IL1B: variants seen among roughly 807,000 people sequenced by gnomAD.
IL1B encodes the protein interleukin 1 beta.
In IL1B, 11 loss-of-function variants were observed where a neutral mutation model predicts 26.2. The ratio of observed to expected loss-of-function variants is 0.42; its 90% CI spans 0.26 to 0.70. IL1B has a LOEUF of 0.70. IL1B is among the 30% of genes least tolerant of loss of function. The probability of loss-of-function intolerance (pLI) is 0.25; values close to 1 mark genes in which losing one functional copy is unlikely to be tolerated. For missense variants in IL1B, 255 were observed against 327.5 expected, an observed-to-expected ratio of 0.78 and a Z score of 1.71; for synonymous variants, 118 against 120.8, an observed-to-expected ratio of 0.98 and a Z score of 0.15.
intron 5 of IL1B, among the ~76,000 whole-genome samples, chr2:112,832,227 G>A (rs774985240): frequency 1.3e-5 from 2 of 152,164 alleles, no homozygotes; most frequent in Non-Finnish European, 2.9e-5. Context: ...GGAACCACCT[G>A]GCATTGGGTG....
At chr2:112,836,143 G>A in intron 2 of IL1B, 40 bp downstream of exon 2, 1 of 1,589,502 alleles carries the variant, frequency 6.3e-7, no homozygotes, top group South Asian at 1.1e-5. Context: ...CTTGAAAGAG[G>A]AGACCTGCTC....
At chr2:112,831,514 G>A (rs1681986208) in intron 5 of IL1B, 92 bp from the exon 6 acceptor site, 1 of 1,484,230 alleles carries the variant, frequency 6.7e-7, no homozygotes, top group African/African-American at 1.4e-5. Flanking sequence ...ATGTAATTTG[G>A]TAGCCTCTGT....
At chr2:112,836,626 A>G in intron 1 of IL1B, 82 bp downstream of exon 1, 1 of 283,726 alleles carries the variant, frequency 3.5e-6, no homozygotes, top group Non-Finnish European at 7.1e-6. Flanking sequence ...AGAGAGAGAG[A>G]GAGAATATGC....
chr2:112,830,495 G>C lies in IL1B; in HGVS notation c.676C>G (p.Leu226Val). Residue 226 changes from leucine (L) to valine (V), a missense_variant, in exon 7 of 7, where the codon CTG becomes GTG. Physicochemically the swap from Leu to Val is conservative, Grantham distance 32. Coordinates refer to ENST00000263341, the MANE Select transcript of IL1B (RefSeq NM_000576.3). ...VFNKIEINNK[L>V]EFESAQFPNW... ...GGGAACTGGGCAGACTCAAATTCCA[G>C]CTTGTTATTGATTTCTATCTTGTTG... is the stretch of plus-strand genomic sequence containing the variant. 6.2e-7 allele frequency: 1 copy of C among 1,613,926 alleles called. No homozygotes were observed. Among genetic ancestry groups the C allele is most frequent in the Non-Finnish European group, 8.5e-7 (1 of 1,179,922 alleles).
At chr2:112,833,134 G>A (rs1682022947) in intron 4 of IL1B, 1 of 607,454 alleles carries the variant, frequency 1.6e-6, no homozygotes, top group Non-Finnish European at 2.9e-6. Flanking sequence ...GACAATGTAA[G>A]TGAAAGGCCC....
In IL1B at chr2:112,832,746, C is replaced by A. The variant is rs1478935996; in HGVS notation, c.382G>T (p.Asp128Tyr). ...PVRSLNCTLR[D>Y]SQQKSLVMSG... is the part of the protein sequence containing the mutation. ...ATCACCAAGCTTTTTTGCTGTGAGT[C>A]CCGGAGCGTGCAGTTCAGTGATCGT... Residue 128 changes from aspartate to tyrosine, a missense_variant, in exon 5 of 7, where the codon GAC becomes TAC. Coordinates refer to ENST00000263341, the MANE Select transcript of IL1B (RefSeq NM_000576.3). The A allele has an allele frequency of 1.9e-6, 3 of 1,614,010 alleles. No homozygotes were observed. The African/African-American group carries it at 4.0e-5, about 22-fold the overall frequency.
In IL1B at chr2:112,832,683, C is replaced by T; in HGVS notation, c.445G>A (p.Gly149Arg). 1 of 1,614,126 alleles carries T rather than the reference C, an allele frequency of 6.2e-7. No individual in the cohort carries two copies. ...TTACCTTGTTGCTCCATATCCTGTCCCTGGAGGTGGAGAGCTTTCAGTTCA... is the reference window on the plus strand; with the variant it reads ...TTACCTTGTTGCTCCATATCCTGTCTCTGGAGGTGGAGAGCTTTCAGTTCA... The part of the protein sequence containing the change: ...PYELKALHLQ[G>R]QDMEQQVVFS... The change falls in exon 5 of 7, where the codon GGA becomes AGA. Residue 149 changes from glycine (G) to arginine (R), a missense_variant. Physicochemically the swap from Gly to Arg is moderately radical, Grantham distance 125. Coordinates refer to ENST00000263341, the MANE Select transcript of IL1B (RefSeq NM_000576.3).
At chr2:112,832,099 C>T (rs1479431838) in intron 5 of IL1B, among the ~76,000 whole-genome samples, 1 of 152,254 alleles carries the variant, frequency 6.6e-6, no homozygotes, top group Non-Finnish European at 1.5e-5. Context: ...GCTTTGGCTA[C>T]TGTGGCACGA....
At chr2:112,831,210 T>G in intron 6 of IL1B, 82 bp downstream of exon 6, 3 of 1,531,344 alleles carry the variant, frequency 2.0e-6, no homozygotes, top group Non-Finnish European at 2.7e-6. Context: ...TTCCTAGGGA[T>G]GGGGGCGGGG....
intron 3 of IL1B, among the ~76,000 whole-genome samples, chr2:112,833,930 A>T (rs1041780187): frequency 3.3e-5 from 5 of 152,024 alleles, no homozygotes; most frequent in Admixed American, 2.6e-4. Flanking sequence ...GAGGTGGAGG[A>T]TGCAGTAAGC....
At chr2:112,833,155 G>A (rs1238257001) in intron 4 of IL1B, 2 of 623,744 alleles carry the variant, frequency 3.2e-6, no homozygotes, top group Non-Finnish European at 5.7e-6. Context: ...CTGAGAAAGA[G>A]TGAGGGAGTT....
At chr2:112,831,479 C>T (rs1158360087) in intron 5 of IL1B, 57 bp from the exon 6 acceptor site, 2 of 1,598,554 alleles carry the variant, frequency 1.3e-6, no homozygotes, top group Non-Finnish European at 1.7e-6. Flanking sequence ...GTCACCCCAA[C>T]CCCTAGGCCC....
intron 3 of IL1B, among the ~76,000 whole-genome samples, chr2:112,834,145 T>C (rs1158556950): frequency 2.6e-5 from 4 of 152,246 alleles, no homozygotes; most frequent in Non-Finnish European, 4.4e-5. Flanking sequence ...TTCTGACACC[T>C]TACAGGCTAT....
rs148588074 is a variant in IL1B at position 112,832,807 on chromosome 2, T to C, written c.321A>G (p.Thr107=). ...IFEEEPIFFD[T]WDNEAYVHDA... ...CGTGCACATAAGCCTCGTTATCCCA[T>C]GTGTCGAAGAAGATAGGTTCTGAAA... Residue 107 remains threonine, a synonymous_variant, in exon 5 of 7, where the codon ACA becomes ACG. Coordinates refer to ENST00000263341, the MANE Select transcript of IL1B (RefSeq NM_000576.3). 3.1e-6 allele frequency: 5 copies of C among 1,614,220 alleles called. No individual in the cohort carries two copies. The highest frequency in any genetic ancestry group is 3.3e-5 in the Admixed American group (2 of 60,030).
intron 2 of IL1B, among the ~76,000 whole-genome samples, chr2:112,835,861 C>A (rs927907166): frequency 6.6e-6 from 1 of 152,214 alleles, no homozygotes; most frequent in Admixed American, 6.5e-5. Flanking sequence ...TCTAGCCCAG[C>A]AGAGTCAGCT....
intron 3 of IL1B, 144 bp from the exon 4 acceptor site, chr2:112,833,719 C>T (rs984615104): frequency 6.5e-5 from 52 of 798,786 alleles, no homozygotes; most frequent in Non-Finnish European, 9.6e-5. Flanking sequence ...CTGGGCCAGG[C>T]GTGGTGGCTC....
At chr2:112,831,225 G>A in intron 6 of IL1B, 67 bp downstream of exon 6, 2 of 1,588,478 alleles carry the variant, frequency 1.3e-6, no homozygotes, top group South Asian at 2.2e-5. Flanking sequence ...GCGGGGAGAA[G>A]GTGGTTGTCT....
chr2:112,836,192 G>A lies in IL1B; in HGVS notation c.38C>T (p.Ala13Val). The A allele has an allele frequency of 6.2e-7, 1 of 1,613,640 alleles. No homozygotes were observed. Among genetic ancestry groups the A allele is most frequent in the Non-Finnish European group, 8.5e-7 (1 of 1,179,578 alleles). Reference sequence around the variant, plus strand: ...CAGCGTCTCCACTGACCTGTAATAAGCCATCATTTCACTGGCGAGCTCAGG... The same window carrying A: ...CAGCGTCTCCACTGACCTGTAATAAACCATCATTTCACTGGCGAGCTCAGG... ...EVPELASEMM[A>V]YYSGNEDDLF... Residue 13 changes from alanine (A) to valine (V), a missense_variant, in exon 2 of 7, where the codon GCT becomes GTT. Transcript: ENST00000263341.
At chr2:112,831,761 C>A (rs1558782456) in intron 5 of IL1B, among the ~76,000 whole-genome samples, 1 of 152,152 alleles carries the variant, frequency 6.6e-6, no homozygotes, top group Non-Finnish European at 1.5e-5. Flanking sequence ...AGGAGCGGAA[C>A]AACTTGATCA....
Sources: gnomAD v4.1 joint callset for allele counts (sites outside exome capture counted in the v4.1 genomes callset) on GRCh38, gnomAD v4.1.1 for gene constraint, MANE v1.5 for transcripts, NCBI Gene and HGNC (gene_info 2026-07-23, HGNC 2026-07-21) for gene names.